Variants in PGD observed in about 807,000 individuals in gnomAD.
The protein encoded by PGD is 6-phosphogluconate dehydrogenase, decarboxylating.
PGD carries 21 observed loss-of-function variants against 60.4 expected under a neutral mutation model. The ratio of observed to expected loss-of-function variants is 0.35; its 90% CI spans 0.25 to 0.50. The LOEUF (loss-of-function observed/expected upper bound fraction) is 0.50. PGD is among the 20% of genes least tolerant of loss of function. PGD has a pLI of 0.98. For synonymous variants in PGD, 230 were observed against 235.9 expected (o/e 0.97, Z 0.23); for missense variants, 477 against 613.1 (o/e 0.78, Z 2.34).
intron 8 of PGD, among the ~76,000 whole-genome samples, chr1:10,415,100 AAAG>A (rs888064934): frequency 6.1e-4 from 93 of 151,722 alleles, no homozygotes; most frequent in Admixed American, 9.8e-4. Context: ...AAAAAAAAAA[AAAG>A]AAGCATCTCA....
At chr1:10,406,823 C>T (rs1639416043) in intron 5 of PGD, among the ~76,000 whole-genome samples, 1 of 152,222 alleles carries the variant, frequency 6.6e-6, no homozygotes, top group Non-Finnish European at 1.5e-5. Context: ...AAAACGCTGC[C>T]TGGTTCTTAA....
chr1:10,411,286 C>A, intron 6 of PGD, 132 bp from the exon 7 acceptor site: 1 of 890,940 alleles, frequency 1.1e-6, no homozygotes, highest in South Asian at 1.6e-5. Flanking sequence ...AAATGCTGTA[C>A]TCATTTTATA....
chr1:10,399,235 G>C, intron 1 of PGD, 110 bp downstream of exon 1: 1 of 1,281,892 alleles, frequency 7.8e-7, no homozygotes, highest in Non-Finnish European at 1.1e-6. Context: ...GGGGTCGCCT[G>C]AGCTCACTTG....
At position 10,413,144 on chromosome 1, in the gene PGD, A is replaced by G; in HGVS notation, c.737A>G (p.Asp246Gly). The G allele has an allele frequency of 6.2e-7, 1 of 1,614,144 alleles. No homozygotes were observed. Among genetic ancestry groups the G allele is most frequent in the Non-Finnish European group, 8.5e-7 (1 of 1,179,950 alleles). ...AATATTCTCAAGTTCCAAGACACCG[A>G]TGGCAAACACCTGCTGCCAAAGATC... Reference protein sequence around the residue: ...TANILKFQDTDGKHLLPKIRD... With the variant: ...TANILKFQDTGGKHLLPKIRD... Residue 246 changes from aspartate (D) to glycine (G), a missense_variant, in exon 8 of 13, where the codon GAT becomes GGT. This residue lies in a region of PGD where 431 missense variants were observed against 556.6 expected (regional missense o/e 0.77). Coordinates refer to ENST00000270776, the MANE Select transcript of PGD (RefSeq NM_002631.4).
At position 10,399,680 on chromosome 1, in the gene PGD, G is replaced by C. The variant is rs371813553; in HGVS notation, c.60G>C (p.Leu20=). The C allele has an allele frequency of 1.2e-6, 2 of 1,614,032 alleles. No homozygotes were observed. The highest frequency in any genetic ancestry group is 2.7e-5 in the African/African-American group (2 of 74,950). ...CCGTCATGGGCCAGAACTTAATTCT[G>C]AACATGAATGACCACGGCTTTGTGG... is the stretch of plus-strand genomic sequence containing the variant. ...GLAVMGQNLI[L]NMNDHGFVVC... is the part of the protein sequence containing the mutation. Residue 20 remains leucine (L), a synonymous_variant, in exon 2 of 13, where the codon CTG becomes CTC. Transcript: ENST00000270776.
chr1:10,414,761 G>T (rs1430948540), intron 8 of PGD, among the ~76,000 whole-genome samples: 1 of 152,000 alleles, frequency 6.6e-6, no homozygotes, highest in Non-Finnish European at 1.5e-5. Context: ...TTAATGAGAG[G>T]CTGATCTTTG....
At chr1:10,410,743 A>G (rs1280448604) in intron 6 of PGD, among the ~76,000 whole-genome samples, 1 of 152,182 alleles carries the variant, frequency 6.6e-6, no homozygotes, top group Non-Finnish European at 1.5e-5. Context: ...TAACATTTGT[A>G]ACCACGAAGA....
At chr1:10,419,575 C>T in intron 12 of PGD, 36 bp downstream of exon 12, 1 of 1,614,042 alleles carries the variant, frequency 6.2e-7, no homozygotes, top group African/African-American at 1.3e-5. Flanking sequence ...CTGGCTGGCC[C>T]CTCGGGGGCG....
chr1:10,412,722 T>C, intron 7 of PGD: 1 of 218,132 alleles, frequency 4.6e-6, no homozygotes, highest in Non-Finnish European at 9.2e-6. Context: ...TAGTTAGCGA[T>C]GACTGTGAGA....
At chr1:10,413,778 G>A (rs993495639) in intron 8 of PGD, among the ~76,000 whole-genome samples, 1 of 152,128 alleles carries the variant, frequency 6.6e-6, no homozygotes, top group Non-Finnish European at 1.5e-5. Flanking sequence ...GGTGGCACGT[G>A]CCTGTAGTCC....
intron 5 of PGD, among the ~76,000 whole-genome samples, chr1:10,405,452 C>G (rs1476795388): frequency 2.8e-5 from 4 of 141,528 alleles, no homozygotes; most frequent in Non-Finnish European, 6.2e-5. Flanking sequence ...GTGGGCAATC[C>G]GATATATATA....
intron 7 of PGD, 137 bp from the exon 8 acceptor site, chr1:10,412,925 G>A (rs1639522485): frequency 3.0e-6 from 2 of 659,426 alleles, no homozygotes; most frequent in Non-Finnish European, 5.3e-6. Context: ...CAACCAGCAG[G>A]AGCAGAAGTC....
At chr1:10,412,976 A>T (rs1051932988) in intron 7 of PGD, 86 bp from the exon 8 acceptor site, 2 of 1,152,032 alleles carry the variant, frequency 1.7e-6, no homozygotes, top group Non-Finnish European at 2.5e-6. Context: ...AACCGTGAGC[A>T]TTGGTCAGCG....
chr1:10,400,296 A>C, intron 2 of PGD, 97 bp from the exon 3 acceptor site: 1 of 938,402 alleles, frequency 1.1e-6, no homozygotes. Flanking sequence ...TGACCTCCCC[A>C]GAACTTGGGT....
chr1:10,400,304 G>T, intron 2 of PGD, 89 bp from the exon 3 acceptor site: 1 of 992,588 alleles, frequency 1.0e-6, no homozygotes, highest in Non-Finnish European at 1.5e-6. Flanking sequence ...CCAGAACTTG[G>T]GTTGAATGGA....
rs774366423 is a variant in PGD at position 10,403,150 on chromosome 1, A to C, written c.330+14A>C. 8.9e-6 allele frequency: 14 copies of C among 1,569,104 alleles called. No individual in the cohort carries two copies. Among genetic ancestry groups the C allele is most frequent in the Non-Finnish European group, 1.2e-5 (14 of 1,139,232 alleles). ...AGGGACACCACAGTAAGTGTTCTTC[A>C]GTCCAGATTCTTCCAGGTTCCGAGA... is the stretch of plus-strand genomic sequence containing the variant. On this transcript the variant is annotated intron_variant, in intron 4 of 12. Coordinates refer to ENST00000270776, the MANE Select transcript of PGD (RefSeq NM_002631.4).
rs537908705 is a variant in PGD, at chr1:10,418,114, A to G, written c.1109+605A>G. On this transcript the variant is annotated intron_variant, in intron 10 of 12. Transcript: ENST00000270776. ...ATTTTGCTCTGTATTTTCATTGAAA[A>G]TGCCAAATCATAGAAAACGTAGCAT... Among the ~76,000 whole-genome samples, 12 of 152,328 alleles carry G rather than the reference A, an allele frequency of 7.9e-5. No homozygotes were observed. In the South Asian group the frequency reaches 2.5e-3, roughly 32 times the overall value.
At chr1:10,402,648 G>A (rs896961853) in intron 3 of PGD, among the ~76,000 whole-genome samples, 4 of 151,372 alleles carry the variant, frequency 2.6e-5, no homozygotes, top group East Asian at 3.9e-4. Context: ...TCAGCCTCCC[G>A]AGTAGCTGGG....
intron 7 of PGD, among the ~76,000 whole-genome samples, chr1:10,412,015 C>T (rs1639508850): frequency 6.6e-6 from 1 of 152,004 alleles, no homozygotes; most frequent in East Asian, 1.9e-4. Context: ...TTACAGTGAA[C>T]ACCTGGATAC....
Sources: gnomAD v4.1 joint callset for allele counts (sites outside exome capture counted in the v4.1 genomes callset) on GRCh38, gnomAD v4.1.1 for gene constraint, gnomAD v4.1.1 regional missense constraint, MANE v1.5 for transcripts, NCBI Gene and HGNC (gene_info 2026-07-23, HGNC 2026-07-21) for gene names.